Variants in WFDC1 observed in about 807,000 individuals in gnomAD.
WFDC1 encodes the protein WAP four-disulfide core domain 1.
Under a neutral mutation model 32.9 loss-of-function variants are expected in WFDC1, and 39 were observed. The observed-to-expected ratio is 1.19, with a 90% CI of 0.92 to 1.55. The LOEUF is 1.55. Among genes scored for constraint, WFDC1 ranks in the 40% most tolerant of loss-of-function variants. WFDC1 has a pLI of 0.00. For missense variants in WFDC1, 386 were observed against 309.5 expected, an observed-to-expected ratio of 1.25 and a Z score of -1.85; for synonymous variants, 184 against 137.4, an observed-to-expected ratio of 1.34 and a Z score of -2.37.
chr16:84,316,142 A>G (rs1907934742), intron 2 of WFDC1: 1 of 152,218 alleles, frequency 6.6e-6, no homozygotes, highest in South Asian at 2.1e-4. Flanking sequence ...GAAAGGAGGG[A>G]AGAACCGAAA....
chr16:84,295,111 C>G lies in WFDC1; in HGVS notation c.140C>G (p.Ser47Cys), dbSNP rs1906515428. Residue 47 changes from serine to cysteine, a missense_variant, in exon 1 of 7, where the codon TCC becomes TGC. Transcript: ENST00000219454. The part of the protein sequence containing the change: ...RALPARLAEK[S>C]RAEEAGAPGG... ...TTGCCTGCGAGGCTGGCCGAGAAAT[C>G]CCGTGTAAGTGCCTGGGATGGGGAG... 1.9e-6 allele frequency: 3 copies of G among 1,613,712 alleles called. No individual in the cohort carries two copies. Among genetic ancestry groups the G allele is most frequent in the Non-Finnish European group, 2.5e-6 (3 of 1,179,768 alleles).
At chr16:84,319,611 C>T in intron 4 of WFDC1, 40 bp downstream of exon 4, 2 of 1,602,124 alleles carry the variant, frequency 1.2e-6, no homozygotes, top group Non-Finnish European at 1.7e-6. Context: ...GCTCCTGCCC[C>T]AGTCCCCTTC....
At chr16:84,296,613 G>A (rs62050686) in intron 1 of WFDC1, among the ~76,000 whole-genome samples, 1,905 of 152,288 alleles carry the variant, frequency 0.013, 43 homozygotes, top group African/African-American at 0.043. Context: ...GGGCCTCCAG[G>A]GCTCATATTC....
chr16:84,299,715 T>C lies in WFDC1; in HGVS notation c.144+4600T>C, dbSNP rs1270698469. On this transcript the variant is annotated intron_variant, in intron 1 of 6. Coordinates refer to ENST00000219454, the MANE Select transcript of WFDC1 (RefSeq NM_021197.4). ...CTGGCCTGGGCAGGCTGGCCCCTAC[T>C]GTCAGTGTGACTGTGGGTCTGTTTT... 3.9e-5 allele frequency among the ~76,000 whole-genome samples: 6 copies of C among 152,338 alleles called. No individual in the cohort carries two copies. In the East Asian group the frequency reaches 9.7e-4, roughly 25 times the overall value.
intron 4 of WFDC1, among the ~76,000 whole-genome samples, chr16:84,321,934 A>G (rs947286161): frequency 1.3e-5 from 2 of 152,212 alleles, no homozygotes; most frequent in African/African-American, 4.8e-5. Context: ...TGGTAACCAT[A>G]GTGACTACTT....
chr16:84,309,695 C>T (rs1597673954), intron 1 of WFDC1, among the ~76,000 whole-genome samples: 2 of 151,740 alleles, frequency 1.3e-5, no homozygotes, highest in Admixed American at 1.3e-4. Context: ...AGCAGAGCCG[C>T]GCCCCCCCAA....
intron 1 of WFDC1, among the ~76,000 whole-genome samples, chr16:84,298,284 T>C (rs1479703426): frequency 1.3e-5 from 2 of 152,066 alleles, no homozygotes; most frequent in African/African-American, 4.8e-5. Flanking sequence ...ATTTTTTGTA[T>C]TTTTAGTAGA....
At chr16:84,325,585 T>TCCAC (rs1908544415) in intron 5 of WFDC1, 4 of 151,002 alleles carry the variant, frequency 2.6e-5, no homozygotes, top group African/African-American at 9.7e-5. Flanking sequence ...CCACCATCCA[T>TCCAC]CCACCCACCC....
rs899316588 is a variant in WFDC1 at position 84,295,046 on chromosome 16, C to T, written c.75C>T (p.Leu25=). The T allele has an allele frequency of 1.2e-6, 2 of 1,614,186 alleles. No individual in the cohort carries two copies. Among genetic ancestry groups the T allele is most frequent in the Non-Finnish European group, 1.7e-6 (2 of 1,180,022 alleles). ...GGGCTCTGTGCCTCTTGCTACTTCTCCTCCACGCCGGCTCTGCCAAGAATA... is the reference window on the plus strand; with the variant it reads ...GGGCTCTGTGCCTCTTGCTACTTCTTCTCCACGCCGGCTCTGCCAAGAATA... The part of the protein sequence containing the change: ...IIRALCLLLL[L]LHAGSAKNIW... Residue 25 remains leucine (L), a synonymous_variant, in exon 1 of 7, where the codon CTC becomes CTT. Transcript: ENST00000219454.
At chr16:84,299,766 G>T (rs1389033946) in intron 1 of WFDC1, among the ~76,000 whole-genome samples, 1 of 152,222 alleles carries the variant, frequency 6.6e-6, no homozygotes, top group African/African-American at 2.4e-5. Context: ...CTCCAGGGCA[G>T]CTGGAAATGG....
intron 2 of WFDC1, among the ~76,000 whole-genome samples, chr16:84,313,804 C>T (rs947698241): frequency 1.3e-5 from 2 of 152,200 alleles, no homozygotes; most frequent in African/African-American, 4.8e-5. Flanking sequence ...GTCTCCTCTC[C>T]TGTGAAATGG....
At chr16:84,326,615 A>C in intron 5 of WFDC1, 1 of 440,446 alleles carries the variant, frequency 2.3e-6, no homozygotes, top group Non-Finnish European at 4.2e-6. Flanking sequence ...GTCGGAAGCA[A>C]TTTGGCCATC....
chr16:84,302,074 C>T (rs562228443), intron 1 of WFDC1, among the ~76,000 whole-genome samples: 1 of 152,306 alleles, frequency 6.6e-6, no homozygotes, highest in African/African-American at 2.4e-5. Flanking sequence ...CACGCCATTG[C>T]ACAGATGAAC....
intron 2 of WFDC1, chr16:84,316,482 AG>A (rs1907955414): frequency 6.6e-6 from 1 of 152,236 alleles, no homozygotes; most frequent in South Asian, 2.1e-4. Context: ...TTTTCTGCCC[AG>A]GCACGGTGGC....
intron 4 of WFDC1, among the ~76,000 whole-genome samples, chr16:84,321,433 C>T (rs536446449): frequency 6.6e-5 from 10 of 152,318 alleles, no homozygotes; most frequent in African/African-American, 2.4e-4. Flanking sequence ...GAAGGGATAG[C>T]CTTTTCCAAA....
At chr16:84,317,103 G>A in intron 2 of WFDC1, 1 of 151,552 alleles carries the variant, frequency 6.6e-6, no homozygotes, top group Non-Finnish European at 1.5e-5. Context: ...GACCAGCCTG[G>A]GCAACATGGC....
chr16:84,322,400 T>C (rs763366563), intron 4 of WFDC1, among the ~76,000 whole-genome samples: 3 of 152,202 alleles, frequency 2.0e-5, no homozygotes, highest in African/African-American at 4.8e-5. Context: ...GTCCCAGCCT[T>C]ACCAAGGAAG....
intron 2 of WFDC1, among the ~76,000 whole-genome samples, chr16:84,315,628 C>G (rs1907904221): frequency 6.6e-6 from 1 of 152,196 alleles, no homozygotes; most frequent in African/African-American, 2.4e-5. Flanking sequence ...GGGGCGCTCT[C>G]CCGTGCACTG....
At chr16:84,319,647 T>A (rs1017869246) in intron 4 of WFDC1, 76 bp downstream of exon 4, 9 of 1,550,674 alleles carry the variant, frequency 5.8e-6, no homozygotes, top group Non-Finnish European at 7.8e-6. Flanking sequence ...CTCACCCGCA[T>A]GGACGACCTG....
Sources: gnomAD v4.1 joint callset for allele counts (sites outside exome capture counted in the v4.1 genomes callset) on GRCh38, gnomAD v4.1.1 for gene constraint, MANE v1.5 for transcripts, NCBI Gene and HGNC (gene_info 2026-07-23, HGNC 2026-07-21) for gene names.